Variants in STX8 observed in about 807,000 individuals in gnomAD.
STX8 encodes the protein syntaxin 8.
A neutral mutation model predicts 37.5 loss-of-function variants in STX8; 23 were observed. The ratio of observed to expected loss-of-function variants is 0.61; its 90% confidence interval spans 0.44 to 0.87. The LOEUF (loss-of-function observed/expected upper bound fraction) is 0.87. Ranked by LOEUF, STX8 falls within the 40% of genes least tolerant of loss-of-function variation. The pLI is 0.00. For missense variants in STX8, 313 were observed against 284.7 expected, an observed-to-expected ratio of 1.10 and a Z score of -0.71; for synonymous variants, 115 against 99.1, an observed-to-expected ratio of 1.16 and a Z score of -0.95.
chr17:9,437,904 A>G (rs1201377395), intron 6 of STX8: 1 of 152,174 alleles, frequency 6.6e-6, no homozygotes, highest in African/African-American at 2.4e-5. Context: ...TAAAAAGCAG[A>G]GCTGGAATCA....
At chr17:9,342,401 T>C in intron 7 of STX8, among the ~76,000 whole-genome samples, 1 of 152,048 alleles carries the variant, frequency 6.6e-6, no homozygotes, top group South Asian at 2.1e-4. Flanking sequence ...TTCAGGATGA[T>C]CCAGTGGGGG....
chr17:9,331,434 A>G (rs1040539739), intron 7 of STX8, among the ~76,000 whole-genome samples: 1 of 152,036 alleles, frequency 6.6e-6, no homozygotes, highest in Non-Finnish European at 1.5e-5. Flanking sequence ...TGCAGCAGTA[A>G]GTCACCAGGA....
chr17:9,314,330 G>C (rs964750357), intron 7 of STX8, among the ~76,000 whole-genome samples: 8 of 152,148 alleles, frequency 5.3e-5, no homozygotes, highest in African/African-American at 1.9e-4. Flanking sequence ...TCTGGGTCTT[G>C]CTATACTTAT....
At chr17:9,556,833 T>G (rs1907001850) in intron 3 of STX8, 1 of 144,162 alleles carries the variant, frequency 6.9e-6, no homozygotes, top group South Asian at 2.2e-4. Flanking sequence ...TAACACTTGG[T>G]AGGAGGTTAA....
chr17:9,316,993 A>G (rs552502429), intron 7 of STX8, among the ~76,000 whole-genome samples: 1 of 152,332 alleles, frequency 6.6e-6, no homozygotes, highest in African/African-American at 2.4e-5. Context: ...AGGAAAAGAC[A>G]GTCGGTTCTT....
chr17:9,546,526 C>A (rs1178027368), intron 3 of STX8, among the ~76,000 whole-genome samples: 1 of 149,750 alleles, frequency 6.7e-6, no homozygotes, highest in African/African-American at 2.5e-5. Context: ...ACAACCGGCG[C>A]CACTTCCCTT....
Position 9,430,027 on chromosome 17 carries a change from A to AATATATTCTATAGAATAT in STX8, c.542-51392_542-51375dup, listed in dbSNP as rs1288135981. Among the ~76,000 whole-genome samples, 5 of 15,032 alleles carry AATATATTCTATAGAATAT rather than the reference A, an allele frequency of 3.3e-4. No homozygotes were observed. In the African/African-American group the frequency reaches 3.8e-3, roughly 12 times the overall value. The allele number at this position is 15,032 out of a possible 152,430, so 9.9% of individuals were successfully genotyped here. A position where few individuals can be genotyped will look rare whatever the true frequency, so the allele number is the denominator to read the frequency against. On this transcript the variant is annotated intron_variant, in intron 6 of 7. Transcript: ENST00000306357. ...ATATTATATATTATATATTATATATAATATATTCTATAGAATATATATATT... is the reference window on the plus strand; with the variant it reads ...ATATTATATATTATATATTATATATAATATATTCTATAGAATATATATATTCTATAGAATATATATATT...
At chr17:9,288,543 T>C (rs918412522) in intron 7 of STX8, among the ~76,000 whole-genome samples, 3 of 151,992 alleles carry the variant, frequency 2.0e-5, no homozygotes, top group Admixed American at 1.3e-4. Context: ...GCGCCTGTAG[T>C]CCCAGCTACT....
chr17:9,435,993 C>T (rs529439842), intron 6 of STX8, among the ~76,000 whole-genome samples: 1 of 152,256 alleles, frequency 6.6e-6, no homozygotes, highest in East Asian at 1.9e-4. Flanking sequence ...AATCAAGCCA[C>T]TGGTTCTCAG....
At chr17:9,444,976 G>A (rs1048840062) in intron 6 of STX8, among the ~76,000 whole-genome samples, 43 of 152,190 alleles carry the variant, frequency 2.8e-4, no homozygotes, top group South Asian at 1.2e-3. Context: ...TCATTCCACC[G>A]TAGGTTCACA....
intron 6 of STX8, among the ~76,000 whole-genome samples, chr17:9,443,494 A>G (rs772042291): frequency 6.6e-6 from 1 of 152,146 alleles, no homozygotes; most frequent in East Asian, 1.9e-4. Flanking sequence ...AGCTCACCTA[A>G]TAACTGCTTC....
intron 7 of STX8, among the ~76,000 whole-genome samples, chr17:9,262,584 G>GT (rs1036187437): frequency 9.8e-5 from 14 of 142,296 alleles, no homozygotes; most frequent in East Asian, 2.3e-4. Context: ...GTTTTGTTTT[G>GT]TTTTTTTGTT....
At chr17:9,409,208 C>T (rs558464824) in intron 6 of STX8, among the ~76,000 whole-genome samples, 229 of 152,134 alleles carry the variant, frequency 1.5e-3, no homozygotes, top group African/African-American at 5.3e-3. Flanking sequence ...GAAGCACCAA[C>T]TTAGGAGAGA....
At chr17:9,331,995 C>T (rs1399368086) in intron 7 of STX8, among the ~76,000 whole-genome samples, 1 of 152,204 alleles carries the variant, frequency 6.6e-6, no homozygotes, top group African/African-American at 2.4e-5. Context: ...GGGCGGCTAA[C>T]AATGCGGGCA....
intron 7 of STX8, among the ~76,000 whole-genome samples, chr17:9,278,659 TC>T (rs1907768968): frequency 6.6e-6 from 1 of 152,046 alleles, no homozygotes; most frequent in Non-Finnish European, 1.5e-5. Context: ...ATCAAAAAGT[TC>T]TTGGATATGC....
At chr17:9,424,055 T>C (rs184041215) in intron 6 of STX8, among the ~76,000 whole-genome samples, 2 of 152,272 alleles carry the variant, frequency 1.3e-5, no homozygotes, top group African/African-American at 4.8e-5. Flanking sequence ...TCCAGATGTG[T>C]TGACCTCATA....
intron 5 of STX8, among the ~76,000 whole-genome samples, chr17:9,504,095 TTA>T (rs10610444): frequency 0.71 from 107,892 of 151,554 alleles, 38,649 homozygotes; most frequent in Middle Eastern, 0.85. Flanking sequence ...AGGTGTGGAA[TTA>T]TATATATATA....
intron 7 of STX8, among the ~76,000 whole-genome samples, chr17:9,364,408 T>C (rs977813838): frequency 6.6e-6 from 1 of 152,160 alleles, no homozygotes; most frequent in African/African-American, 2.4e-5. Flanking sequence ...GGGAACAGTT[T>C]AAACTGATTG....
At chr17:9,519,930 G>A (rs1323569501) in intron 4 of STX8, among the ~76,000 whole-genome samples, 1 of 151,506 alleles carries the variant, frequency 6.6e-6, no homozygotes, top group Admixed American at 6.6e-5. Flanking sequence ...TCAATCACTC[G>A]CTGGTATTCC....
Sources: allele counts gnomAD v4.1 joint callset (sites outside exome capture counted in the v4.1 genomes callset), GRCh38; gene constraint gnomAD v4.1.1; transcripts MANE v1.5; gene names NCBI Gene and HGNC (gene_info 2026-07-23, HGNC 2026-07-21).